Variants in NRXN1 observed in about 807,000 individuals in gnomAD.
NRXN1 encodes neurexin 1, also known as neurexin-1.
Under a neutral mutation model 150.9 loss-of-function variants are expected in NRXN1, and 39 were observed. That is an observed-to-expected ratio of 0.26 (90% CI 0.20 to 0.34). The LOEUF (loss-of-function observed/expected upper bound fraction) is 0.34. Among genes scored for constraint, NRXN1 ranks in the 10% least tolerant of loss-of-function variants. NRXN1 has a pLI of 1.00. For synonymous variants in NRXN1, 924 were observed against 757.0 expected (o/e 1.22, Z -3.62); for missense variants, 1,815 against 1,949.9 (o/e 0.93, Z 1.30).
chr2:50,760,193 T>C (rs972633652), intron 5 of NRXN1, among the ~76,000 whole-genome samples: 6 of 151,914 alleles, frequency 3.9e-5, no homozygotes, highest in South Asian at 2.1e-4. Context: ...CACTGGGAGC[T>C]TGGAAAACGG....
chr2:51,004,772 T>G (rs1385039012), intron 2 of NRXN1, among the ~76,000 whole-genome samples: 1 of 152,050 alleles, frequency 6.6e-6, no homozygotes, highest in Non-Finnish European at 1.5e-5. Flanking sequence ...GAATGCCCAG[T>G]ACTGGGAGAC....
Position 50,466,996 on chromosome 2 carries a change from G to C in NRXN1, c.3245-1435C>G, listed in dbSNP as rs183106466. ...ATTCACTGACAACAGCTGGACTTTA[G>C]AGTGACACCAACCAAATGCTGCATA... is the stretch of plus-strand genomic sequence containing the variant. On this transcript the variant is annotated intron_variant, in intron 16 of 22. Transcript: ENST00000401669. Among the ~76,000 whole-genome samples, 259 of 151,814 alleles carry C rather than the reference G, an allele frequency of 1.7e-3. 3 individuals are homozygous for C. Among genetic ancestry groups the C allele is most frequent in the Admixed American group, 3.3e-3 (50 of 15,196 alleles).
intron 17 of NRXN1, among the ~76,000 whole-genome samples, chr2:50,434,578 C>T (rs2085269609): frequency 6.6e-6 from 1 of 152,094 alleles, no homozygotes; most frequent in African/African-American, 2.4e-5. Flanking sequence ...AGCTGGACGC[C>T]AGACTTGAAA....
chr2:50,799,095 C>G lies in NRXN1; in HGVS notation c.832+122774G>C, dbSNP rs1707238742. Among the ~76,000 whole-genome samples, 3 of 152,154 alleles carry G rather than the reference C, an allele frequency of 2.0e-5. No homozygotes were observed. The South Asian group carries it at 6.2e-4, about 32-fold the overall frequency. On this transcript the variant is annotated intron_variant, in intron 5 of 22. Transcript: ENST00000401669. Reference sequence around the variant, plus strand: ...ATCTATATGTGTATCTACCATCTATCTCAGTATCCTCTTTCTTGTTGGACA... The same window carrying G: ...ATCTATATGTGTATCTACCATCTATGTCAGTATCCTCTTTCTTGTTGGACA...
At chr2:50,941,202 T>C (rs1402263446) in intron 2 of NRXN1, among the ~76,000 whole-genome samples, 1 of 152,108 alleles carries the variant, frequency 6.6e-6, no homozygotes, top group African/African-American at 2.4e-5. Context: ...CTCAGCCATG[T>C]AGAACTCTGA....
intron 17 of NRXN1, among the ~76,000 whole-genome samples, chr2:50,360,423 G>A (rs1448820344): frequency 6.6e-6 from 1 of 152,100 alleles, no homozygotes; most frequent in East Asian, 1.9e-4. Context: ...GATTTACCAA[G>A]CAAATGGAAA....
chr2:50,603,632 C>A (rs957488545), intron 8 of NRXN1, among the ~76,000 whole-genome samples: 2 of 151,990 alleles, frequency 1.3e-5, no homozygotes, highest in African/African-American at 2.4e-5. Context: ...TATGCTGGGA[C>A]CCCTTTGGCT....
At chr2:50,763,248 A>G (rs531942689) in intron 5 of NRXN1, among the ~76,000 whole-genome samples, 1 of 152,106 alleles carries the variant, frequency 6.6e-6, no homozygotes, top group Non-Finnish European at 1.5e-5. Context: ...ATTTCCTGAC[A>G]GTCCCAAACA....
chr2:50,444,211 T>G (rs930633915), intron 17 of NRXN1, among the ~76,000 whole-genome samples: 2 of 152,222 alleles, frequency 1.3e-5, no homozygotes, highest in Non-Finnish European at 2.9e-5. Flanking sequence ...CAAAGACATT[T>G]AATTTTAGCC....
intron 19 of NRXN1, among the ~76,000 whole-genome samples, chr2:50,061,351 G>A (rs1558793624): frequency 6.6e-6 from 1 of 152,102 alleles, no homozygotes; most frequent in Non-Finnish European, 1.5e-5. Context: ...GAAAGGTTCA[G>A]GATCTAATAT....
At chr2:50,558,263 G>C (rs1424755978) in intron 8 of NRXN1, among the ~76,000 whole-genome samples, 1 of 152,162 alleles carries the variant, frequency 6.6e-6, no homozygotes, top group Non-Finnish European at 1.5e-5. Flanking sequence ...GGCACAGAGT[G>C]ACTGCATGTC....
chr2:50,372,625 T>C (rs2080111808), intron 17 of NRXN1, among the ~76,000 whole-genome samples: 2 of 152,150 alleles, frequency 1.3e-5, no homozygotes, highest in Non-Finnish European at 1.5e-5. Flanking sequence ...GTATAAAGTT[T>C]TTCTATTTCA....
intron 2 of NRXN1, among the ~76,000 whole-genome samples, chr2:50,961,474 A>C (rs1693186844): frequency 6.6e-6 from 1 of 151,850 alleles, no homozygotes; most frequent in Non-Finnish European, 1.5e-5. Flanking sequence ...ATGTTGATCT[A>C]ATCATATGGT....
intron 17 of NRXN1, among the ~76,000 whole-genome samples, chr2:50,364,740 T>G (rs900861107): frequency 1.3e-5 from 2 of 152,118 alleles, no homozygotes; most frequent in Non-Finnish European, 2.9e-5. Context: ...TTTTCTCTTT[T>G]GGCAGTAGCA....
At chr2:50,202,648 CTT>C (rs2062262220) in intron 18 of NRXN1, among the ~76,000 whole-genome samples, 2 of 152,112 alleles carry the variant, frequency 1.3e-5, no homozygotes, top group South Asian at 4.1e-4. Flanking sequence ...CTGCCTGACA[CTT>C]ATAGCAAAAT....
intron 21 of NRXN1, among the ~76,000 whole-genome samples, chr2:50,043,702 G>GCCAATTTTTT: frequency 6.6e-6 from 1 of 152,116 alleles, no homozygotes; most frequent in South Asian, 2.1e-4. Context: ...GTGTGTTCCA[G>GCCAATTTTTT]GGCCAAATTT....
chr2:49,959,461 T>C (rs1675535129), intron 21 of NRXN1, among the ~76,000 whole-genome samples: 1 of 152,188 alleles, frequency 6.6e-6, no homozygotes, highest in South Asian at 2.1e-4. Flanking sequence ...GTAGCATCTT[T>C]TTGGTTTCCT....
At chr2:50,510,110 G>C (rs2092393767) in intron 12 of NRXN1, among the ~76,000 whole-genome samples, 1 of 152,086 alleles carries the variant, frequency 6.6e-6, no homozygotes, top group African/African-American at 2.4e-5. Context: ...AAATTCTGTT[G>C]TTTAAGCCAT....
intron 5 of NRXN1, among the ~76,000 whole-genome samples, chr2:50,745,070 C>T (rs1430454683): frequency 6.6e-6 from 1 of 152,096 alleles, no homozygotes; most frequent in African/African-American, 2.4e-5. Context: ...ATTAGGCAGG[C>T]TTCAGAATTC....
Sources: gnomAD v4.1 joint callset for allele counts (sites outside exome capture counted in the v4.1 genomes callset) on GRCh38, gnomAD v4.1.1 for gene constraint, MANE v1.5 for transcripts, NCBI Gene and HGNC (gene_info 2026-07-23, HGNC 2026-07-21) for gene names.